ITGAE: variants seen among roughly 807,000 people sequenced by gnomAD.
ITGAE encodes integrin alpha-E.
ITGAE carries 99 observed loss-of-function variants against 136.5 expected under a neutral mutation model. That is an observed-to-expected ratio of 0.73 (90% confidence interval 0.62 to 0.86). The LOEUF (loss-of-function observed/expected upper bound fraction) is 0.86. Ranked by LOEUF, ITGAE falls within the 40% of genes least tolerant of loss-of-function variation. ITGAE has a pLI of 0.00. For synonymous variants in ITGAE, 613 were observed against 591.8 expected (o/e 1.04, Z -0.52); for missense variants, 1,447 against 1,515.3 (o/e 0.95, Z 0.75).
At chr17:3,762,085 G>A (rs2052186755) in intron 3 of ITGAE, 103 bp from the exon 4 acceptor site, 2 of 916,486 alleles carry the variant, frequency 2.2e-6, no homozygotes, top group Non-Finnish European at 3.4e-6. Context: ...AGGCCCCCAT[G>A]AGGAACTGTT....
Position 3,763,830 on chromosome 17 carries a change from G to C in ITGAE, c.247+39C>G, listed in dbSNP as rs779623870. The stretch of plus-strand genomic sequence containing the variant: ...ATGAGGGGGATTTTGCTAGAAAGGG[G>C]GTCCTGGGGAGCATTCCCTGGAGTT... On this transcript the variant is annotated intron_variant, in intron 3 of 30. Coordinates refer to ENST00000263087, the MANE Select transcript of ITGAE (RefSeq NM_002208.5). 3 of 1,500,920 alleles carry C rather than the reference G, an allele frequency of 2.0e-6. No individual in the cohort carries two copies. In the South Asian group the frequency reaches 3.4e-5, roughly 17 times the overall value. 93.0% of individuals were successfully genotyped at this position (1,500,920 alleles called of 1,614,324 possible).
chr17:3,728,377 T>TTTTC (rs1364281873), intron 24 of ITGAE: 2 of 409,212 alleles, frequency 4.9e-6, no homozygotes, highest in Non-Finnish European at 9.1e-6. Context: ...CCTTTTTTTT[T>TTTTC]TTTTTTTTTT....
At chr17:3,732,558 A>G (rs1051338404) in intron 21 of ITGAE, 92 bp from the exon 22 acceptor site, 1 of 1,064,652 alleles carries the variant, frequency 9.4e-7, no homozygotes, top group African/African-American at 1.6e-5. Context: ...AACATTCACT[A>G]ATTTTTCTGC....
At chr17:3,800,303 C>T (rs1278291706) in intron 1 of ITGAE, among the ~76,000 whole-genome samples, 1 of 152,110 alleles carries the variant, frequency 6.6e-6, no homozygotes, top group African/African-American at 2.4e-5. Flanking sequence ...CTACCAGGAG[C>T]CTTTCATCCA....
intron 18 of ITGAE, among the ~76,000 whole-genome samples, chr17:3,744,996 CAGA>C (rs1460683898): frequency 1.3e-5 from 2 of 152,090 alleles, no homozygotes; most frequent in African/African-American, 2.4e-5. Flanking sequence ...AATGTGTATT[CAGA>C]AGAAGAATTC....
chr17:3,788,984 G>C (rs1469332914), intron 1 of ITGAE, among the ~76,000 whole-genome samples: 1 of 151,854 alleles, frequency 6.6e-6, no homozygotes, highest in Admixed American at 6.6e-5. Context: ...GGTGACTCAC[G>C]CCTGTAATCC....
In ITGAE at chr17:3,795,052, G is replaced by A. The variant is rs2053032268; in HGVS notation, c.34+6059C>T. Among the ~76,000 whole-genome samples the A allele has an allele frequency of 2.0e-5, 3 of 152,112 alleles. No individual in the cohort carries two copies. The South Asian group carries it at 6.2e-4, about 32-fold the overall frequency. On this transcript the variant is annotated intron_variant, in intron 1 of 30. Coordinates refer to ENST00000263087, the MANE Select transcript of ITGAE (RefSeq NM_002208.5). ...CTGTCTGCAAAGCCCGTCTTTTGTG[G>A]CCCTGCTCAGCCAGCCAGGAGCCAG...
intron 1 of ITGAE, among the ~76,000 whole-genome samples, chr17:3,785,104 A>T (rs553598184): frequency 6.6e-6 from 1 of 152,102 alleles, no homozygotes; most frequent in Non-Finnish European, 1.5e-5. Flanking sequence ...GTGAGCCAAG[A>T]TTGTATCACT....
intron 1 of ITGAE, among the ~76,000 whole-genome samples, chr17:3,794,896 G>A (rs373811291): frequency 6.6e-5 from 10 of 152,286 alleles, no homozygotes; most frequent in Middle Eastern, 3.4e-3. Flanking sequence ...GCAGAGCAAA[G>A]TCCAGTCTCC....
At chr17:3,794,035 A>G (rs2053004094) in intron 1 of ITGAE, among the ~76,000 whole-genome samples, 1 of 135,744 alleles carries the variant, frequency 7.4e-6, no homozygotes, top group Non-Finnish European at 1.5e-5. Context: ...CTGGAGTGCA[A>G]TGGCACGATC....
intron 15 of ITGAE, among the ~76,000 whole-genome samples, chr17:3,751,107 A>T (rs1441921453): frequency 6.6e-6 from 1 of 152,030 alleles, no homozygotes; most frequent in Non-Finnish European, 1.5e-5. Flanking sequence ...ATGAGGTCTC[A>T]GAGGAGCATC....
At chr17:3,770,349 C>T (rs887681677) in intron 2 of ITGAE, among the ~76,000 whole-genome samples, 5 of 151,596 alleles carry the variant, frequency 3.3e-5, no homozygotes, top group Admixed American at 2.6e-4. Context: ...AGGCTGGTCT[C>T]GAACTCCTGA....
chr17:3,749,298 A>G (rs1426513550), intron 16 of ITGAE, among the ~76,000 whole-genome samples: 1 of 150,352 alleles, frequency 6.7e-6, no homozygotes, highest in Non-Finnish European at 1.5e-5. Context: ...TCTGTCGCCC[A>G]GGCTGGAGTG....
At chr17:3,775,914 G>A (rs960669178) in intron 2 of ITGAE, among the ~76,000 whole-genome samples, 2 of 151,956 alleles carry the variant, frequency 1.3e-5, no homozygotes, top group African/African-American at 4.8e-5. Flanking sequence ...ACTCCCACAC[G>A]TCCCTGTTTC....
At chr17:3,763,823 G>T in intron 3 of ITGAE, 46 bp downstream of exon 3, 2 of 1,486,202 alleles carry the variant, frequency 1.3e-6, no homozygotes, top group Non-Finnish European at 1.9e-6. Context: ...GATTTTGCTA[G>T]AAAGGGGGTC....
At chr17:3,748,134 A>G in intron 16 of ITGAE, 82 bp from the exon 17 acceptor site, 1 of 1,385,814 alleles carries the variant, frequency 7.2e-7, no homozygotes, top group Non-Finnish European at 9.9e-7. Flanking sequence ...CATGCATTCA[A>G]TGGTTCTCTA....
Position 3,729,794 on chromosome 17 carries a change from C to T in ITGAE, c.2835-239G>A, listed in dbSNP as rs570894923. 3.7e-5 allele frequency: 15 copies of T among 410,284 alleles called. 1 individual carries two copies. The highest frequency in any genetic ancestry group is 3.0e-4 in the South Asian group (14 of 46,204). The allele number at this position is 410,284 out of a possible 1,614,324, so 25.4% of individuals were successfully genotyped here. A position where few individuals can be genotyped will look rare whatever the true frequency, so the allele number is the denominator to read the frequency against. The stretch of plus-strand genomic sequence containing the variant: ...ATTTTTAGTAGAGATGGGGTTTCAC[C>T]ATGTTGGCCAGGCTGGTCTCGAACT... On this transcript the variant is annotated intron_variant, in intron 23 of 30. Transcript: ENST00000263087.
At chr17:3,744,631 T>C (rs1197830308) in intron 18 of ITGAE, among the ~76,000 whole-genome samples, 1 of 151,874 alleles carries the variant, frequency 6.6e-6, no homozygotes, top group Non-Finnish European at 1.5e-5. Context: ...TTTTTTTTAG[T>C]AGAGACAGGG....
At chr17:3,785,984 G>A (rs779402827) in intron 1 of ITGAE, among the ~76,000 whole-genome samples, 4 of 151,882 alleles carry the variant, frequency 2.6e-5, no homozygotes, top group Non-Finnish European at 5.9e-5. Context: ...TGGCTAACAC[G>A]GTGAAACCCC....
Sources: allele counts gnomAD v4.1 joint callset (sites outside exome capture counted in the v4.1 genomes callset), GRCh38; gene constraint gnomAD v4.1.1; transcripts MANE v1.5; gene names NCBI Gene and HGNC (gene_info 2026-07-23, HGNC 2026-07-21).